CELF2: variants seen among roughly 807,000 people sequenced by gnomAD.
The protein encoded by CELF2 is CUG triplet repeat RNA-binding protein 2.
CELF2 carries 8 observed loss-of-function variants against 62.6 expected under a neutral mutation model. That is an observed-to-expected ratio of 0.13 (90% CI 0.07 to 0.23). CELF2 has a LOEUF of 0.23. CELF2 is among the 10% of genes least tolerant of loss of function. The pLI is 1.00. For synonymous variants in CELF2, 258 were observed against 250.0 expected, an observed-to-expected ratio of 1.03 and a Z score of -0.30; for missense variants, 333 against 671.0, an observed-to-expected ratio of 0.50 and a Z score of 5.56.
At chr10:11,031,998 G>T (rs117216166) in intron 1 of CELF2, among the ~76,000 whole-genome samples, 1 of 152,002 alleles carries the variant, frequency 6.6e-6, no homozygotes, top group East Asian at 1.9e-4. Flanking sequence ...TTTCCACCCT[G>T]TGAAACAAAC....
chr10:10,851,591 T>C (rs528359052), intron 1 of CELF2, among the ~76,000 whole-genome samples: 33 of 152,282 alleles, frequency 2.2e-4, no homozygotes, highest in Middle Eastern at 3.4e-3. Flanking sequence ...TTGGACCTCA[T>C]TGAAACAAAA....
At chr10:10,465,305 A>G in the CELF2 span, among the ~76,000 whole-genome samples, 1 of 152,174 alleles carries the variant, frequency 6.6e-6, no homozygotes, top group East Asian at 1.9e-4. Context: ...CAGGGGAATT[A>G]CAATGTAGTA....
the CELF2 span, among the ~76,000 whole-genome samples, chr10:10,714,595 G>A: frequency 6.6e-6 from 1 of 152,122 alleles, no homozygotes; most frequent in Non-Finnish European, 1.5e-5. Context: ...CACAATAAAA[G>A]AAGATTATAT....
chr10:11,310,532 T>C (rs570147047), intron 9 of CELF2, among the ~76,000 whole-genome samples: 38 of 152,276 alleles, frequency 2.5e-4, no homozygotes, highest in Middle Eastern at 3.4e-3. Context: ...TTATCTGTTG[T>C]AGTTGTTTCA....
At chr10:10,608,471 G>T in the CELF2 span, among the ~76,000 whole-genome samples, 2 of 152,212 alleles carry the variant, frequency 1.3e-5, no homozygotes, top group Non-Finnish European at 2.9e-5. Context: ...ATTAGATGCT[G>T]CAGATGTCTC....
In CELF2 at chr10:11,333,549, AAAT is replaced by A. The variant is rs1163557866; in HGVS notation, c.*4499_*4501del. 4 of 152,334 alleles carry A rather than the reference AAAT, an allele frequency of 2.6e-5. No homozygotes were observed. Among genetic ancestry groups the A allele is most frequent in the South Asian group, 2.1e-4 (1 of 4,830 alleles). The allele number at this position is 152,334 out of a possible 1,614,324, so 9.4% of individuals were successfully genotyped here. A position where few individuals can be genotyped will look rare whatever the true frequency, so the allele number is the denominator to read the frequency against. ...TTATCTTAAGTGCTAATTAAAAAAA[AAAT>A]AAAATTTTAAAAAAACCTGTAGTTT... On this transcript the variant is annotated 3_prime_UTR_variant, in exon 13 of 13. Transcript: ENST00000633077.
intron 1 of CELF2, among the ~76,000 whole-genome samples, chr10:10,905,663 G>A (rs1278203164): frequency 6.6e-6 from 1 of 151,976 alleles, no homozygotes; most frequent in Non-Finnish European, 1.5e-5. Flanking sequence ...CAGATCACGA[G>A]GTCAGAGATC....
intron 8 of CELF2, among the ~76,000 whole-genome samples, chr10:11,287,387 GA>G (rs2139596544): frequency 6.6e-6 from 1 of 152,296 alleles, no homozygotes; most frequent in South Asian, 2.1e-4. Flanking sequence ...GGGCTACAGG[GA>G]GAAAAGATAG....
At chr10:10,619,611 C>T in the CELF2 span, among the ~76,000 whole-genome samples, 2 of 152,214 alleles carry the variant, frequency 1.3e-5, no homozygotes, top group Non-Finnish European at 2.9e-5. Context: ...ACCCACCTGG[C>T]CCTTGCCTGC....
At chr10:11,128,649 G>C (rs1423777054) in intron 1 of CELF2, among the ~76,000 whole-genome samples, 1 of 152,126 alleles carries the variant, frequency 6.6e-6, no homozygotes, top group Admixed American at 6.6e-5. Context: ...ATTGTGAATG[G>C]GAGTTCACTC....
At chr10:10,811,452 T>C (rs2055878252) in intron 1 of CELF2, among the ~76,000 whole-genome samples, 1 of 152,102 alleles carries the variant, frequency 6.6e-6, no homozygotes, top group South Asian at 2.1e-4. Flanking sequence ...CACCTGTAGA[T>C]GTTAGGACTC....
chr10:10,518,785 A>G, the CELF2 span, among the ~76,000 whole-genome samples: 1 of 152,118 alleles, frequency 6.6e-6, no homozygotes, highest in Non-Finnish European at 1.5e-5. Flanking sequence ...AGGATGTCCT[A>G]TTGGTGACCC....
At chr10:10,756,366 T>G in the CELF2 span, among the ~76,000 whole-genome samples, 1 of 152,224 alleles carries the variant, frequency 6.6e-6, no homozygotes, top group African/African-American at 2.4e-5. Flanking sequence ...ATCAACCTAA[T>G]AAATATTTGG....
the CELF2 span, among the ~76,000 whole-genome samples, chr10:10,757,294 C>T: frequency 6.6e-6 from 1 of 150,862 alleles, no homozygotes; most frequent in Non-Finnish European, 1.5e-5. Context: ...CCCTTCTCTA[C>T]AAAAAAATAA....
the CELF2 span, among the ~76,000 whole-genome samples, chr10:10,609,064 C>T: frequency 6.6e-6 from 1 of 152,182 alleles, no homozygotes; most frequent in Non-Finnish European, 1.5e-5. Flanking sequence ...ATTGCTCTTT[C>T]CTGCCTTGAT....
the CELF2 span, among the ~76,000 whole-genome samples, chr10:10,478,212 G>A: frequency 1.8e-3 from 278 of 152,274 alleles, no homozygotes; most frequent in African/African-American, 6.5e-3. Flanking sequence ...AAAAACCATA[G>A]ACTCCAATGC....
chr10:10,536,055 C>G, the CELF2 span, among the ~76,000 whole-genome samples: 5 of 145,008 alleles, frequency 3.4e-5, no homozygotes, highest in African/African-American at 1.3e-4. Flanking sequence ...GAGTCTTGCT[C>G]TGTCGCCAGG....
chr10:10,689,543 A>G, the CELF2 span, among the ~76,000 whole-genome samples: 33,406 of 152,252 alleles, frequency 0.22, 4,429 homozygotes, highest in Non-Finnish European at 0.3. Flanking sequence ...TAGTATTTGA[A>G]TATACTTCAT....
chr10:10,711,188 C>G, the CELF2 span, among the ~76,000 whole-genome samples: 1 of 152,138 alleles, frequency 6.6e-6, no homozygotes, highest in Admixed American at 6.6e-5. Flanking sequence ...TATAGAGAAC[C>G]ATTGCTTTAT....
Sources: allele counts gnomAD v4.1 joint callset (sites outside exome capture counted in the v4.1 genomes callset), GRCh38; gene constraint gnomAD v4.1.1; transcripts MANE v1.5; gene names NCBI Gene and HGNC (gene_info 2026-07-23, HGNC 2026-07-21).